Variants in FAM135A observed in about 807,000 individuals in gnomAD.
FAM135A encodes family with sequence similarity 135 member A, also known as protein FAM135A.
FAM135A carries 79 observed loss-of-function variants against 146.8 expected under a neutral mutation model. The observed-to-expected ratio is 0.54, with a 90% CI of 0.45 to 0.65. The LOEUF (loss-of-function observed/expected upper bound fraction) is 0.65, where lower values mean the gene tolerates loss of function less well. Among genes scored for constraint, FAM135A ranks in the 30% least tolerant of loss-of-function variants. FAM135A has a pLI of 0.00. For synonymous variants in FAM135A, 562 were observed against 603.6 expected (o/e 0.93, Z 1.01); for missense variants, 1,623 against 1,758.2 (o/e 0.92, Z 1.38).
At chr6:70,413,911 G>T (rs1218265521) in intron 1 of FAM135A, 8 of 985,290 alleles carry the variant, frequency 8.1e-6, no homozygotes, top group Non-Finnish European at 9.6e-6. Flanking sequence ...AGCGCTCTGA[G>T]GGAGGCGAGG....
intron 11 of FAM135A, among the ~76,000 whole-genome samples, chr6:70,497,793 T>C (rs1787633094): frequency 6.6e-6 from 1 of 152,244 alleles, no homozygotes. Flanking sequence ...TTTGCATATG[T>C]TGAACCAGCC....
Position 70,554,248 on chromosome 6 carries a change from A to T in FAM135A, c.4229-2502A>T, listed in dbSNP as rs556318173. Among the ~76,000 whole-genome samples, 4 of 152,338 alleles carry T rather than the reference A, an allele frequency of 2.6e-5. No homozygotes were observed. The East Asian group carries it at 7.7e-4, about 29-fold the overall frequency. On this transcript the variant is annotated intron_variant, in intron 20 of 21. Coordinates refer to ENST00000418814, the MANE Select transcript of FAM135A (RefSeq NM_001162529.3). ...GCTGCCTTATATTGAAATCACTAAC[A>T]CAAGATGATTTCTCAGTTACTTTAT...
At chr6:70,480,753 T>C (rs1360652753) in intron 8 of FAM135A, 148 bp from the exon 9 acceptor site, 2 of 596,202 alleles carry the variant, frequency 3.4e-6, no homozygotes, top group Admixed American at 8.2e-5. Flanking sequence ...TTCAAATTAT[T>C]TTTTAAAATT....
chr6:70,421,164 G>A (rs182679770), intron 2 of FAM135A, among the ~76,000 whole-genome samples: 1 of 152,146 alleles, frequency 6.6e-6, no homozygotes, highest in Admixed American at 6.5e-5. Context: ...GATTATAGGT[G>A]TGAGCCACCA....
intron 8 of FAM135A, among the ~76,000 whole-genome samples, chr6:70,479,962 T>C (rs1184680994): frequency 6.6e-6 from 1 of 152,154 alleles, no homozygotes; most frequent in Non-Finnish European, 1.5e-5. Flanking sequence ...GACTCCCTTC[T>C]TTGCTGGGAT....
intron 5 of FAM135A, among the ~76,000 whole-genome samples, chr6:70,460,428 G>C (rs1201797381): frequency 6.6e-6 from 1 of 152,060 alleles, no homozygotes; most frequent in Non-Finnish European, 1.5e-5. Context: ...GAATTATCAA[G>C]GTTGCTGACA....
At chr6:70,438,570 A>G (rs1477479734) in intron 4 of FAM135A, among the ~76,000 whole-genome samples, 4 of 152,212 alleles carry the variant, frequency 2.6e-5, no homozygotes. Flanking sequence ...CTGTCATAGT[A>G]TCACAGTGCT....
At chr6:70,485,995 A>G (rs1258702801) in intron 10 of FAM135A, among the ~76,000 whole-genome samples, 1 of 152,262 alleles carries the variant, frequency 6.6e-6, no homozygotes, top group East Asian at 1.9e-4. Flanking sequence ...TAAATTAAAA[A>G]ACCAAAGAAA....
At position 70,475,555 on chromosome 6, in the gene FAM135A, C is replaced by T. The variant is rs1216070902; in HGVS notation, c.297+6C>T. 3 of 1,582,938 alleles carry T rather than the reference C, an allele frequency of 1.9e-6. No homozygotes were observed. The highest frequency in any genetic ancestry group is 2.7e-5 in the African/African-American group (2 of 73,308). Reference sequence around the variant, plus strand: ...TGCTATTGGATGAAAGAAAGGTAAACATCTCTTCATATTTATTTATGTAAA... The same window carrying T: ...TGCTATTGGATGAAAGAAAGGTAAATATCTCTTCATATTTATTTATGTAAA... On this transcript the variant is annotated splice_donor_region_variant and intron_variant, in intron 6 of 21. Transcript: ENST00000418814.
Position 70,452,588 on chromosome 6 carries a change from A to T in FAM135A, c.157+17A>T, listed in dbSNP as rs1224715638. The stretch of plus-strand genomic sequence containing the variant: ...ATGCAACAGGTAAGCCAAAGAATAC[A>T]TTCAAATTTAAAAAGTAATCTGAAT... On this transcript the variant is annotated intron_variant, in intron 5 of 21. Transcript: ENST00000418814. 1 of 1,539,736 alleles carries T rather than the reference A, an allele frequency of 6.5e-7. No homozygotes were observed. The highest frequency in any genetic ancestry group is 2.4e-5 in the Admixed American group (1 of 42,482).
chr6:70,526,552 G>T lies in FAM135A; in HGVS notation c.3468G>T (p.Pro1156=). The change falls in exon 15 of 22, where the codon CCG becomes CCT. Residue 1156 remains proline (P), a synonymous_variant. Coordinates refer to ENST00000418814, the MANE Select transcript of FAM135A (RefSeq NM_001162529.3). ...GTACTTCTGGTTGTTTGTCCTTCCC[G>T]TCTGCACCACGAGAGTCTCCTTGTA... ...TVCTSGCLSF[P]SAPRESPCNV... is the part of the protein sequence containing the mutation. 2 of 1,613,478 alleles carry T rather than the reference G, an allele frequency of 1.2e-6. No homozygotes were observed. Among genetic ancestry groups the T allele is most frequent in the Non-Finnish European group, 1.7e-6 (2 of 1,179,644 alleles).
At chr6:70,556,302 T>C (rs1371748132) in intron 20 of FAM135A, among the ~76,000 whole-genome samples, 1 of 152,018 alleles carries the variant, frequency 6.6e-6, no homozygotes, top group Non-Finnish European at 1.5e-5. Flanking sequence ...ATTAAGCAAG[T>C]GTTAAAAATG....
intron 20 of FAM135A, among the ~76,000 whole-genome samples, chr6:70,540,880 C>G (rs1288251393): frequency 6.6e-6 from 1 of 152,166 alleles, no homozygotes; most frequent in Non-Finnish European, 1.5e-5. Context: ...TAGTTAGCTT[C>G]CTATCTATTC....
intron 10 of FAM135A, among the ~76,000 whole-genome samples, chr6:70,489,392 T>C (rs973820199): frequency 4.2e-5 from 6 of 144,234 alleles, no homozygotes; most frequent in African/African-American, 1.6e-4. Context: ...AATATCTAAA[T>C]ACAATTTACT....
rs554205428 is a variant in FAM135A at position 70,428,151 on chromosome 6, A to G, written c.-39-153A>G. Among the ~76,000 whole-genome samples the G allele has an allele frequency of 1.3e-4, 20 of 152,304 alleles. 1 individual carries two copies. The South Asian group carries it at 4.1e-3, about 32-fold the overall frequency. Reference sequence around the variant, plus strand: ...CTTAGTAAGTATACATTCTGGTCCTATTTAGTTGGGTTAGGTTGTTAAGTA... The same window carrying G: ...CTTAGTAAGTATACATTCTGGTCCTGTTTAGTTGGGTTAGGTTGTTAAGTA... On this transcript the variant is annotated intron_variant, in intron 3 of 21. Transcript: ENST00000418814.
intron 17 of FAM135A, 123 bp downstream of exon 17, chr6:70,533,374 A>C: frequency 1.6e-6 from 1 of 632,186 alleles, no homozygotes; most frequent in Non-Finnish European, 2.8e-6. Context: ...ATGAAATTTA[A>C]TATAAATGTA....
In FAM135A at chr6:70,491,097, T is replaced by A. The variant is rs777594430; in HGVS notation, c.873+14T>A. On this transcript the variant is annotated intron_variant, in intron 11 of 21. Transcript: ENST00000418814. ...GAAGAAGTTAAGGTACTTGGATTTT[T>A]TAAATTCACATCATCAAGTTATTTG... 2.5e-5 allele frequency: 40 copies of A among 1,588,910 alleles called. No homozygotes were observed. The highest frequency in any genetic ancestry group is 1.8e-5 in the Non-Finnish European group (21 of 1,167,018).
chr6:70,526,612 C>A lies in FAM135A; in HGVS notation c.3528C>A (p.Ala1176=), dbSNP rs181814115. The A allele has an allele frequency of 5.0e-6, 8 of 1,613,294 alleles. No homozygotes were observed. Among genetic ancestry groups the A allele is most frequent in the Non-Finnish European group, 6.8e-6 (8 of 1,179,626 alleles). ...VKYSSKSKFD[A]ITKQPSSTSY... ...ATTCTTCCAAAAGTAAATTTGATGCCATTACAAAGCAGCCAAGCAGTACTT... is the reference window on the plus strand; with the variant it reads ...ATTCTTCCAAAAGTAAATTTGATGCAATTACAAAGCAGCCAAGCAGTACTT... The change falls in exon 15 of 22, where the codon GCC becomes GCA. Residue 1176 remains alanine (A), a synonymous_variant. Transcript: ENST00000418814.
At chr6:70,502,917 T>C in intron 12 of FAM135A, 126 bp downstream of exon 12, 1 of 978,312 alleles carries the variant, frequency 1.0e-6, no homozygotes. Flanking sequence ...ATTTGTCATA[T>C]TGTTATTGTT....
Sources: gnomAD v4.1 joint callset for allele counts (sites outside exome capture counted in the v4.1 genomes callset) on GRCh38, gnomAD v4.1.1 for gene constraint, MANE v1.5 for transcripts, NCBI Gene and HGNC (gene_info 2026-07-23, HGNC 2026-07-21) for gene names.